ANKRD30B: variants seen among roughly 807,000 people sequenced by gnomAD.
The protein encoded by ANKRD30B is ankyrin repeat domain-containing protein 30B.
Under a neutral mutation model 202.2 loss-of-function variants are expected in ANKRD30B, and 144 were observed. That is an observed-to-expected ratio of 0.71 (90% confidence interval 0.62 to 0.82). ANKRD30B has a LOEUF of 0.82. Among genes scored for constraint, ANKRD30B ranks in the 40% least tolerant of loss-of-function variants. ANKRD30B has a pLI of 0.00. For synonymous variants in ANKRD30B, 508 were observed against 561.3 expected, an observed-to-expected ratio of 0.91 and a Z score of 1.34; for missense variants, 1,487 against 1,669.1, an observed-to-expected ratio of 0.89 and a Z score of 1.90.
chr18:14,757,911 A>G lies in ANKRD30B; in HGVS notation c.714A>G (p.Gly238=). The part of the protein sequence containing the change: ...NVDVFAEDIH[G]ITAERYAAAC... ...ACGTCTTTGCTGAAGACATACATGGAATAACTGCAGAACGTTATGCTGCTG... is the reference window on the plus strand; with the variant it reads ...ACGTCTTTGCTGAAGACATACATGGGATAACTGCAGAACGTTATGCTGCTG... Residue 238 remains glycine (G), a synonymous_variant, in exon 5 of 44, where the codon GGA becomes GGG. Coordinates refer to ENST00000690538, the MANE Select transcript of ANKRD30B (RefSeq NM_001367607.2). 3.1e-6 allele frequency: 5 copies of G among 1,610,434 alleles called. No homozygotes were observed. The highest frequency in any genetic ancestry group is 4.2e-6 in the Non-Finnish European group (5 of 1,177,986).
chr18:14,925,482 A>C, the ANKRD30B span, among the ~76,000 whole-genome samples: 4 of 152,226 alleles, frequency 2.6e-5, no homozygotes, highest in Non-Finnish European at 4.4e-5. Context: ...ATGGAGACTT[A>C]TCTACAGCCT....
At chr18:14,837,536 G>A in intron 35 of ANKRD30B, 79 bp from the exon 36 acceptor site, 1 of 1,140,944 alleles carries the variant, frequency 8.8e-7, no homozygotes, top group Non-Finnish European at 1.2e-6. Flanking sequence ...ACTCATAAAT[G>A]GAAATAGATT....
chr18:14,804,628 G>T lies in ANKRD30B; in HGVS notation c.2284+804G>T, dbSNP rs571244575. Reference sequence around the variant, plus strand: ...AAAAAATGTGGAAGAAGGGCCATTGGGTAGAAGGTCAGGACAGAAAAGGGT... The same window carrying T: ...AAAAAATGTGGAAGAAGGGCCATTGTGTAGAAGGTCAGGACAGAAAAGGGT... On this transcript the variant is annotated intron_variant, in intron 24 of 43. Transcript: ENST00000690538. 2.6e-3 allele frequency among the ~76,000 whole-genome samples: 391 copies of T among 150,758 alleles called. 15 individuals are homozygous for T. Among genetic ancestry groups the T allele is most frequent in the African/African-American group, 9.1e-3 (372 of 40,768 alleles).
At position 14,852,282 on chromosome 18, in the gene ANKRD30B, C is replaced by T. The variant is rs1201745698; in HGVS notation, c.4338C>T (p.Ser1446=). Residue 1446 remains serine (S), a synonymous_variant, in exon 42 of 44, where the codon AGC becomes AGT. Coordinates refer to ENST00000690538, the MANE Select transcript of ANKRD30B (RefSeq NM_001367607.2). ...LVYAHKKVNK[S]KVTINIQFPE... ...ATGCACATAAGAAAGTTAACAAAAG[C>T]AAGGTAACAATTAATATTCAGTTTC... The T allele has an allele frequency of 1.3e-6, 2 of 1,544,344 alleles. No individual in the cohort carries two copies. Among genetic ancestry groups the T allele is most frequent in the African/African-American group, 2.8e-5 (2 of 72,342 alleles).
At chr18:14,823,702 G>T (rs1051106644) in intron 32 of ANKRD30B, among the ~76,000 whole-genome samples, 1 of 152,136 alleles carries the variant, frequency 6.6e-6, no homozygotes, top group African/African-American at 2.4e-5. Context: ...GGCTGTGCAT[G>T]GTGGCACATG....
At chr18:14,855,443 G>A (rs1972054825), downstream of ANKRD30B, among the ~76,000 whole-genome samples, 3 of 152,244 alleles carry the variant, frequency 2.0e-5, no homozygotes, top group South Asian at 4.1e-4. Flanking sequence ...GGGTACACCT[G>A]CAGAAAGGCT....
chr18:14,894,975 T>A, the ANKRD30B span, among the ~76,000 whole-genome samples: 38 of 151,936 alleles, frequency 2.5e-4, no homozygotes, highest in South Asian at 1.9e-3. Flanking sequence ...ATATCATAGA[T>A]CATCAAGGAA....
In ANKRD30B at chr18:14,799,295, G is replaced by C. The variant is rs1275590278; in HGVS notation, c.2131G>C (p.Ala711Pro). The change falls in exon 22 of 44, where the codon GCT (alanine) becomes CCT (proline). Residue 711 changes from alanine to proline, a missense_variant and splice_region_variant. Ala to Pro is a conservative substitution (Grantham distance 27, BLOSUM62 -1). Coordinates refer to ENST00000690538, the MANE Select transcript of ANKRD30B (RefSeq NM_001367607.2). ...GAAGGACAGAGAAACATTCAAAGCA[G>C]GTAAATTTTGCAATTTTAATTTTAC... Reference protein sequence around the residue: ...ELKDRETFKAAQMFPSESKQK... With the variant: ...ELKDRETFKAPQMFPSESKQK... 6.6e-7 allele frequency: 1 copy of C among 1,519,684 alleles called. No homozygotes were observed. The highest frequency in any genetic ancestry group is 2.4e-5 in the Admixed American group (1 of 42,338). The allele number at this position is 1,519,684 out of a possible 1,614,324, so 94.1% of individuals were successfully genotyped here.
At position 14,831,952 on chromosome 18, in the gene ANKRD30B, C is replaced by T. The variant is rs547143398; in HGVS notation, c.2847+497C>T. Among the ~76,000 whole-genome samples the T allele has an allele frequency of 3.3e-5, 5 of 152,286 alleles. No homozygotes were observed. In the South Asian group the frequency reaches 1.0e-3, roughly 32 times the overall value. On this transcript the variant is annotated intron_variant, in intron 34 of 43. Transcript: ENST00000690538. ...AAACTTCAGTTCTGAAACTGTGCCA[C>T]ATAGCATATAGGTTTTTTTGGCGCA... is the stretch of plus-strand genomic sequence containing the variant.
At chr18:14,755,225 T>G (rs1471822443) in intron 4 of ANKRD30B, among the ~76,000 whole-genome samples, 1 of 152,152 alleles carries the variant, frequency 6.6e-6, no homozygotes, top group African/African-American at 2.4e-5. Flanking sequence ...ATTGACTGAT[T>G]CTTATTTGTA....
intron 30 of ANKRD30B, among the ~76,000 whole-genome samples, chr18:14,818,676 A>G (rs1361639483): frequency 6.6e-6 from 1 of 151,836 alleles, no homozygotes. Context: ...CCATGTCCCT[A>G]CAAAGGACAT....
intron 6 of ANKRD30B, among the ~76,000 whole-genome samples, chr18:14,762,565 CAT>C (rs1349112442): frequency 5.3e-5 from 8 of 152,310 alleles, no homozygotes; most frequent in African/African-American, 1.7e-4. Context: ...ATATTTACTT[CAT>C]TAGAGCAAGG....
At chr18:14,926,986 A>G in the ANKRD30B span, among the ~76,000 whole-genome samples, 1 of 151,998 alleles carries the variant, frequency 6.6e-6, no homozygotes, top group African/African-American at 2.4e-5. Flanking sequence ...TATCTCTGAG[A>G]GGAAATACAA....
intron 9 of ANKRD30B, among the ~76,000 whole-genome samples, chr18:14,776,803 G>A (rs574471818): frequency 1.3e-5 from 2 of 152,184 alleles, no homozygotes; most frequent in Admixed American, 6.5e-5. Flanking sequence ...ATAAATATAA[G>A]TTTTCCTTAT....
At chr18:14,820,846 C>T (rs914166313) in intron 30 of ANKRD30B, among the ~76,000 whole-genome samples, 43 of 152,164 alleles carry the variant, frequency 2.8e-4, no homozygotes, top group African/African-American at 8.7e-4. Flanking sequence ...TGTCTCTGCC[C>T]GGCTTTGGTA....
At position 14,826,693 on chromosome 18, in the gene ANKRD30B, T is replaced by TCTCACACACACACACACACA. The variant is rs762792279; in HGVS notation, c.2744-1584_2744-1583insTCACACACACACACACACAC. ...CTCTCTCCCCCTCTCTCTCTCTCTC[T>TCTCACACACACACACACACA]CACACACACACACACACACACACAC... On this transcript the variant is annotated intron_variant, in intron 32 of 43. Coordinates refer to ENST00000690538, the MANE Select transcript of ANKRD30B (RefSeq NM_001367607.2). 1.0e-3 allele frequency among the ~76,000 whole-genome samples: 127 copies of TCTCACACACACACACACACA among 125,026 alleles called. 1 individual carries two copies. The highest frequency in any genetic ancestry group is 2.7e-3 in the African/African-American group (94 of 34,352). The allele number at this position is 125,026 out of a possible 152,430, so 82.0% of individuals were successfully genotyped here.
At chr18:14,882,472 G>A in the ANKRD30B span, among the ~76,000 whole-genome samples, 15 of 152,268 alleles carry the variant, frequency 9.9e-5, no homozygotes, top group East Asian at 3.9e-4. Context: ...GAGAGAGTGC[G>A]TGATACAATT....
At chr18:14,874,294 A>G in the ANKRD30B span, among the ~76,000 whole-genome samples, 1 of 152,158 alleles carries the variant, frequency 6.6e-6, no homozygotes, top group Non-Finnish European at 1.5e-5. Context: ...AGTCACCCAC[A>G]TTTCACGTTA....
At chr18:14,888,682 G>A in the ANKRD30B span, 1 of 538,660 alleles carries the variant, frequency 1.9e-6, no homozygotes, top group Admixed American at 3.7e-5. Flanking sequence ...GCTGGAACTG[G>A]TTCTTTATAT....
Sources: allele counts gnomAD v4.1 joint callset (sites outside exome capture counted in the v4.1 genomes callset), GRCh38; gene constraint gnomAD v4.1.1; transcripts MANE v1.5; gene names NCBI Gene and HGNC (gene_info 2026-07-23, HGNC 2026-07-21).